The following CCSER1 variants were observed in gnomAD, a reference collection of about 807,000 sequenced individuals.
CCSER1 encodes serine-rich coiled-coil domain-containing protein 1.
Under a neutral mutation model 82.0 loss-of-function variants are expected in CCSER1, and 41 were observed. The observed-to-expected ratio is 0.50, with a 90% confidence interval of 0.39 to 0.65. CCSER1 has a LOEUF of 0.65. Among genes scored for constraint, CCSER1 ranks in the 30% least tolerant of loss-of-function variants. The pLI, the probability that CCSER1 is intolerant of heterozygous loss-of-function variation, is 0.00. For missense variants in CCSER1, 1,119 were observed against 1,064.2 expected (o/e 1.05, Z -0.72); for synonymous variants, 414 against 383.9 (o/e 1.08, Z -0.92).
rs1488434773 is a variant in CCSER1, at chr4:90,732,643, CCAGT to C, written c.2010+8659_2010+8662del. 9.2e-5 allele frequency among the ~76,000 whole-genome samples: 14 copies of C among 152,160 alleles called. 1 individual carries two copies. The highest frequency in any genetic ancestry group is 9.2e-4 in the Admixed American group (14 of 15,280). ...TTATATGTATGTAGGACTCTGGTTA[CCAGT>C]CAGTCAAGTTCTTAGATACCAACCA... On this transcript the variant is annotated intron_variant, in intron 7 of 10. Transcript: ENST00000509176.
chr4:91,084,869 T>C (rs1211260529), intron 9 of CCSER1, among the ~76,000 whole-genome samples: 4 of 152,014 alleles, frequency 2.6e-5, no homozygotes, highest in African/African-American at 9.7e-5. Context: ...CAAGAAATGA[T>C]GATGAAGAGA....
chr4:90,285,438 A>G (rs1002401389), intron 1 of CCSER1, among the ~76,000 whole-genome samples: 2 of 151,878 alleles, frequency 1.3e-5, no homozygotes, highest in East Asian at 1.9e-4. Context: ...TTCTTTTTCA[A>G]ATTGTTCACT....
At chr4:90,407,809 C>G (rs4342160) in intron 4 of CCSER1, among the ~76,000 whole-genome samples, 3,529 of 152,114 alleles carry the variant, frequency 0.023, 148 homozygotes, top group African/African-American at 0.081. Context: ...GTGTGGCGCA[C>G]CCTACATGAG....
At chr4:90,537,229 C>A (rs909102930) in intron 5 of CCSER1, among the ~76,000 whole-genome samples, 3 of 152,076 alleles carry the variant, frequency 2.0e-5, no homozygotes, top group African/African-American at 4.8e-5. Flanking sequence ...ATTTTTCTTA[C>A]ATCAAGTTAA....
chr4:91,582,761 G>T (rs1172630132), intron 10 of CCSER1, among the ~76,000 whole-genome samples: 5 of 151,254 alleles, frequency 3.3e-5, no homozygotes, highest in Non-Finnish European at 7.4e-5. Flanking sequence ...TCTCTGATGG[G>T]ATTATTTACC....
intron 7 of CCSER1, among the ~76,000 whole-genome samples, chr4:90,795,654 T>G (rs1338437429): frequency 2.0e-5 from 3 of 152,200 alleles, no homozygotes; most frequent in Non-Finnish European, 4.4e-5. Context: ...CTCCTATTAT[T>G]TTTAGGTATG....
chr4:90,323,626 T>C (rs1357839020), intron 3 of CCSER1, among the ~76,000 whole-genome samples: 3 of 152,140 alleles, frequency 2.0e-5, no homozygotes, highest in African/African-American at 4.8e-5. Flanking sequence ...GGAGTAATGG[T>C]GGTTTGGGCA....
At chr4:90,745,657 T>C (rs78974052) in intron 7 of CCSER1, among the ~76,000 whole-genome samples, 1,848 of 150,554 alleles carry the variant, frequency 0.012, 41 homozygotes, top group African/African-American at 0.043. Context: ...TGTGCTGAAT[T>C]ACACAAGCTA....
intron 8 of CCSER1, among the ~76,000 whole-genome samples, chr4:90,838,317 A>C (rs1762071793): frequency 6.6e-6 from 1 of 151,624 alleles, no homozygotes; most frequent in Non-Finnish European, 1.5e-5. Context: ...AAAACATTTC[A>C]GTTGTACAAT....
chr4:91,337,456 G>C (rs542184325), intron 10 of CCSER1, among the ~76,000 whole-genome samples: 1 of 152,236 alleles, frequency 6.6e-6, no homozygotes, highest in South Asian at 2.1e-4. Context: ...GGCATTTTAA[G>C]AAGTGAGTCT....
chr4:90,547,740 G>A (rs967450987), intron 5 of CCSER1, among the ~76,000 whole-genome samples: 1 of 151,894 alleles, frequency 6.6e-6, no homozygotes, highest in Admixed American at 6.6e-5. Flanking sequence ...TCTTAACTTC[G>A]AAAATGATTT....
chr4:91,135,960 A>G (rs1468624615), intron 10 of CCSER1, among the ~76,000 whole-genome samples: 2 of 152,214 alleles, frequency 1.3e-5, no homozygotes, highest in Non-Finnish European at 2.9e-5. Context: ...TGGGGTAATG[A>G]CATACATACA....
intron 5 of CCSER1, among the ~76,000 whole-genome samples, chr4:90,480,273 A>G (rs1328848224): frequency 6.6e-6 from 1 of 152,140 alleles, no homozygotes; most frequent in African/African-American, 2.4e-5. Context: ...GATTCTGGAT[A>G]TTAGCCCTTT....
At chr4:91,372,862 A>G (rs1014768473) in intron 10 of CCSER1, among the ~76,000 whole-genome samples, 3 of 152,162 alleles carry the variant, frequency 2.0e-5, no homozygotes, top group African/African-American at 7.2e-5. Context: ...GTGCAACGCT[A>G]AAGTCATCTG....
chr4:91,184,850 T>C (rs1400427522), intron 10 of CCSER1, among the ~76,000 whole-genome samples: 3 of 152,348 alleles, frequency 2.0e-5, no homozygotes, highest in Admixed American at 6.5e-5. Context: ...GGCTATATAA[T>C]TGTTCTGGGA....
At chr4:90,257,070 G>A (rs1443111789) in intron 1 of CCSER1, among the ~76,000 whole-genome samples, 15 of 151,984 alleles carry the variant, frequency 9.9e-5, no homozygotes, top group Non-Finnish European at 1.5e-5. Flanking sequence ...GGGTAAGAGA[G>A]GGATTGCTAT....
intron 8 of CCSER1, among the ~76,000 whole-genome samples, chr4:90,841,306 C>T (rs1043315461): frequency 6.6e-6 from 1 of 152,124 alleles, no homozygotes; most frequent in Non-Finnish European, 1.5e-5. Flanking sequence ...TGGCCAGGCA[C>T]AGTGGCTCAC....
chr4:91,284,418 C>T (rs1054087243), intron 10 of CCSER1, among the ~76,000 whole-genome samples: 1 of 151,950 alleles, frequency 6.6e-6, no homozygotes, highest in African/African-American at 2.4e-5. Context: ...GATAGAAAGC[C>T]CAGAGTTTAC....
intron 6 of CCSER1, among the ~76,000 whole-genome samples, chr4:90,652,483 G>C (rs762807374): frequency 5.1e-4 from 77 of 152,098 alleles, no homozygotes; most frequent in Non-Finnish European, 7.5e-4. Context: ...CTGAGAAACT[G>C]ATATCCCAAA....
Sources: allele counts gnomAD v4.1 joint callset (sites outside exome capture counted in the v4.1 genomes callset), GRCh38; gene constraint gnomAD v4.1.1; transcripts MANE v1.5; gene names NCBI Gene and HGNC (gene_info 2026-07-23, HGNC 2026-07-21).